EYA1: variants seen among roughly 807,000 people sequenced by gnomAD.
The protein encoded by EYA1 is protein phosphatase EYA1.
Under a neutral mutation model 82.0 loss-of-function variants are expected in EYA1, and 16 were observed. The observed-to-expected ratio is 0.20, with a 90% CI of 0.13 to 0.30. EYA1 has a LOEUF of 0.30. Among genes scored for constraint, EYA1 ranks in the 10% least tolerant of loss-of-function variants. The pLI is 1.00. For missense variants in EYA1, 633 were observed against 730.7 expected, an observed-to-expected ratio of 0.87 and a Z score of 1.54; for synonymous variants, 261 against 264.4, an observed-to-expected ratio of 0.99 and a Z score of 0.12.
At chr8:71,509,050 C>T (rs1404346640) in intron 2 of EYA1, among the ~76,000 whole-genome samples, 9 of 151,872 alleles carry the variant, frequency 5.9e-5, no homozygotes, top group African/African-American at 9.7e-5. Flanking sequence ...AGAGAAACCC[C>T]GTCTTTACAA....
chr8:71,223,227 A>C (rs1810151842), intron 12 of EYA1, among the ~76,000 whole-genome samples: 1 of 152,154 alleles, frequency 6.6e-6, no homozygotes. Flanking sequence ...GGCCACCGTC[A>C]TGGCAGGGGA....
intron 2 of EYA1, among the ~76,000 whole-genome samples, chr8:71,515,682 C>T (rs1812923199): frequency 6.6e-6 from 1 of 152,024 alleles, no homozygotes; most frequent in African/African-American, 2.4e-5. Context: ...GATTCTTATG[C>T]AATGGGAGCA....
intron 9 of EYA1, among the ~76,000 whole-genome samples, chr8:71,283,815 G>C (rs1032608891): frequency 6.6e-6 from 1 of 152,172 alleles, no homozygotes; most frequent in African/African-American, 2.4e-5. Flanking sequence ...CTGGGGTCAG[G>C]GTTGAGAGAT....
chr8:71,498,152 T>C (rs1648214623), intron 2 of EYA1, among the ~76,000 whole-genome samples: 1 of 152,204 alleles, frequency 6.6e-6, no homozygotes, highest in Admixed American at 6.6e-5. Context: ...ACAGTGACTA[T>C]AGCTAACATT....
At position 71,348,899 on chromosome 8, in the gene EYA1, C is replaced by T. The variant is rs543870909; in HGVS notation, c.124+5883G>A. Among the ~76,000 whole-genome samples, 238 of 152,196 alleles carry T rather than the reference C, an allele frequency of 1.6e-3. 2 individuals are homozygous for T. The highest frequency in any genetic ancestry group is 5.3e-3 in the African/African-American group (222 of 41,518). ...AAGAAAAGTGTGACTAAATTTATCA[C>T]CTACTTAGAAATATTTTGTGAGGTA... On this transcript the variant is annotated intron_variant, in intron 3 of 17. Coordinates refer to ENST00000340726, the MANE Select transcript of EYA1 (RefSeq NM_000503.6).
At position 71,302,663 on chromosome 8, in the gene EYA1, C is replaced by T. The variant is rs140742215; in HGVS notation, c.557-2943G>A. Among the ~76,000 whole-genome samples the T allele has an allele frequency of 1.5e-3, 217 of 141,414 alleles. 38 individuals carry two copies. The highest frequency in any genetic ancestry group is 2.3e-3 in the Non-Finnish European group (141 of 62,240). The allele number at this position is 141,414 out of a possible 152,430, so 92.8% of individuals were successfully genotyped here. ...GGCTCAGGCAATATTAATTTTTCACCACCAGAATCAAGTTCGCAGGGCCAC... is the reference window on the plus strand; with the variant it reads ...GGCTCAGGCAATATTAATTTTTCACTACCAGAATCAAGTTCGCAGGGCCAC... On this transcript the variant is annotated intron_variant, in intron 7 of 17. Transcript: ENST00000340726.
chr8:71,500,047 C>T (rs1312805670), intron 2 of EYA1, among the ~76,000 whole-genome samples: 1 of 152,144 alleles, frequency 6.6e-6, no homozygotes, highest in East Asian at 1.9e-4. Flanking sequence ...AACCGAAACA[C>T]ACAACGATGT....
At chr8:71,401,321 T>C (rs1333638467) in intron 2 of EYA1, among the ~76,000 whole-genome samples, 1 of 151,966 alleles carries the variant, frequency 6.6e-6, no homozygotes, top group Non-Finnish European at 1.5e-5. Flanking sequence ...ACAGCAAGAG[T>C]TTCTCTATTT....
chr8:71,396,903 T>C (rs966233822), intron 2 of EYA1, among the ~76,000 whole-genome samples: 2 of 152,160 alleles, frequency 1.3e-5, no homozygotes, highest in African/African-American at 4.8e-5. Flanking sequence ...AAGTCTCCCA[T>C]TATTATTGTG....
intron 2 of EYA1, among the ~76,000 whole-genome samples, chr8:71,513,682 C>G (rs1812765022): frequency 1.3e-5 from 2 of 152,066 alleles, no homozygotes; most frequent in African/African-American, 4.8e-5. Context: ...GTTGTGCTAT[C>G]AAATAGTAGA....
At chr8:71,231,074 CT>C (rs1032002927) in intron 12 of EYA1, among the ~76,000 whole-genome samples, 13 of 152,190 alleles carry the variant, frequency 8.5e-5, no homozygotes, top group African/African-American at 3.1e-4. Context: ...CTATCTCTAC[CT>C]TATTGCTCAA....
At chr8:71,276,796 A>C (rs1586140825) in intron 9 of EYA1, among the ~76,000 whole-genome samples, 1 of 152,196 alleles carries the variant, frequency 6.6e-6, no homozygotes, top group Non-Finnish European at 1.5e-5. Flanking sequence ...TATGTATTCA[A>C]CTGCCACATT....
intron 9 of EYA1, among the ~76,000 whole-genome samples, chr8:71,290,793 C>A (rs1818910761): frequency 6.7e-6 from 1 of 148,916 alleles, no homozygotes; most frequent in Non-Finnish European, 1.5e-5. Context: ...CACTATATAT[C>A]CTCTGGGAAA....
intron 11 of EYA1, among the ~76,000 whole-genome samples, chr8:71,245,999 G>A (rs1470586294): frequency 6.6e-6 from 1 of 152,152 alleles, no homozygotes; most frequent in Non-Finnish European, 1.5e-5. Context: ...AATGAACTTG[G>A]GGGATATGCA....
chr8:71,210,721 T>A (rs946036180), intron 17 of EYA1, among the ~76,000 whole-genome samples: 4 of 152,184 alleles, frequency 2.6e-5, no homozygotes, highest in Non-Finnish European at 5.9e-5. Flanking sequence ...AGCAGATAGT[T>A]TTATCTTCCA....
At chr8:71,444,619 C>T (rs73296378) in intron 2 of EYA1, among the ~76,000 whole-genome samples, 17,312 of 152,150 alleles carry the variant, frequency 0.11, 1,812 homozygotes, top group East Asian at 0.47. Flanking sequence ...ATGAGAGGAG[C>T]ACTAACTTGG....
At chr8:71,522,534 T>C (rs1813478837) in intron 2 of EYA1, among the ~76,000 whole-genome samples, 1 of 152,222 alleles carries the variant, frequency 6.6e-6, no homozygotes, top group South Asian at 2.1e-4. Context: ...TAATCTCTTT[T>C]TGTAACTTGT....
intron 9 of EYA1, among the ~76,000 whole-genome samples, chr8:71,280,713 T>C (rs1329530608): frequency 6.6e-6 from 1 of 152,216 alleles, no homozygotes; most frequent in Non-Finnish European, 1.5e-5. Flanking sequence ...TTGCTTTTTT[T>C]CCGATAAAAG....
chr8:71,546,892 T>C (rs568994937), intron 1 of EYA1, among the ~76,000 whole-genome samples: 8 of 152,336 alleles, frequency 5.3e-5, no homozygotes, highest in African/African-American at 1.9e-4. Context: ...CCTTCACTTT[T>C]ATGAGATGAT....
Sources: allele counts gnomAD v4.1 joint callset (sites outside exome capture counted in the v4.1 genomes callset), GRCh38; gene constraint gnomAD v4.1.1; transcripts MANE v1.5; gene names NCBI Gene and HGNC (gene_info 2026-07-23, HGNC 2026-07-21).